ENTPD7: variants seen among roughly 807,000 people sequenced by gnomAD.
ENTPD7 encodes the protein NTPDase 7.
A neutral mutation model predicts 77.9 loss-of-function variants in ENTPD7; 53 were observed. The ratio of observed to expected loss-of-function variants is 0.68; its 90% CI spans 0.55 to 0.85. ENTPD7 has a LOEUF of 0.85. Ranked by LOEUF, ENTPD7 falls within the 40% of genes least tolerant of loss-of-function variation. ENTPD7 has a pLI of 0.00. For synonymous variants in ENTPD7, 248 were observed against 274.9 expected (o/e 0.90, Z 0.97); for missense variants, 636 against 743.7 (o/e 0.86, Z 1.68).
intron 9 of ENTPD7, 87 bp downstream of exon 9, chr10:99,696,209 A>ATC: frequency 6.8e-7 from 1 of 1,476,988 alleles, no homozygotes; most frequent in Admixed American, 2.0e-5. Context: ...CCTAAGACAG[A>ATC]TAAGTCCCTG....
chr10:99,668,968 A>G (rs577879077), intron 3 of ENTPD7, among the ~76,000 whole-genome samples: 1 of 152,120 alleles, frequency 6.6e-6, no homozygotes, highest in African/African-American at 2.4e-5. Flanking sequence ...TCATGGGAGC[A>G]AGTTTGCAAA....
At chr10:99,664,862 G>T (rs1221116418) in intron 3 of ENTPD7, among the ~76,000 whole-genome samples, 3 of 152,114 alleles carry the variant, frequency 2.0e-5, no homozygotes, top group Non-Finnish European at 4.4e-5. Flanking sequence ...GGAAGTCCAG[G>T]GGTAGAAGGA....
At chr10:99,698,069 T>C (rs2133500568) in intron 9 of ENTPD7, 2 of 194,736 alleles carry the variant, frequency 1.0e-5, no homozygotes, top group African/African-American at 4.7e-5. Context: ...GAGGCAGGCA[T>C]GGGCTCCATC....
chr10:99,673,834 T>G (rs967923765), intron 3 of ENTPD7, among the ~76,000 whole-genome samples: 3 of 152,178 alleles, frequency 2.0e-5, no homozygotes, highest in African/African-American at 7.2e-5. Flanking sequence ...TTTTGTGAGC[T>G]CTAGGACCAA....
intron 3 of ENTPD7, among the ~76,000 whole-genome samples, chr10:99,664,995 A>T (rs1248150256): frequency 1.3e-5 from 2 of 151,982 alleles, no homozygotes; most frequent in Non-Finnish European, 2.9e-5. Context: ...TCACGCCTGT[A>T]ATCTCAGCAC....
intron 3 of ENTPD7, among the ~76,000 whole-genome samples, chr10:99,662,297 C>T (rs1192032090): frequency 1.3e-5 from 2 of 151,928 alleles, no homozygotes; most frequent in African/African-American, 4.8e-5. Flanking sequence ...TTTATGTTTC[C>T]ATTTTATCTC....
chr10:99,704,053 G>C (rs547511996), intron 12 of ENTPD7, among the ~76,000 whole-genome samples: 1 of 152,270 alleles, frequency 6.6e-6, no homozygotes, highest in South Asian at 2.1e-4. Context: ...AAAGGATTTA[G>C]ACACACACAC....
rs2035450070 is a variant in ENTPD7 at position 99,659,611 on chromosome 10, T to C, written c.-96+23T>C. 1 of 213,050 alleles carries C rather than the reference T, an allele frequency of 4.7e-6. No homozygotes were observed. The highest frequency in any genetic ancestry group is 2.3e-5 in the African/African-American group (1 of 43,430). The allele number at this position is 213,050 out of a possible 1,614,324, so 13.2% of individuals were successfully genotyped here. A position where few individuals can be genotyped will look rare whatever the true frequency, so the allele number is the denominator to read the frequency against. ...CCCGTGAGTGTGGGCGCGAGAGGGC[T>C]GTGGGACCCGGAGGGACGGGGAGAG... On this transcript the variant is annotated intron_variant, in intron 1 of 12. Transcript: ENST00000370489. This position sits in a 1 kb window ranked among gnomAD's most constrained non-coding sequence, Gnocchi z 4.1.
chr10:99,701,490 T>C (rs1282710810), intron 11 of ENTPD7, among the ~76,000 whole-genome samples: 1 of 151,770 alleles, frequency 6.6e-6, no homozygotes, highest in Non-Finnish European at 1.5e-5. Flanking sequence ...GGTTTCGCAA[T>C]GTTGCCAGGC....
At position 99,709,599 on chromosome 10, in the gene ENTPD7, T is replaced by C; in HGVS notation, c.*4916T>C. On this transcript the variant is annotated 3_prime_UTR_variant, in exon 13 of 13. Transcript: ENST00000370489. ...TGAATATACCTCAAATTGAAAACTTTTAGGTTGTGTTCTTGGCTCATTCTC... is the reference window on the plus strand; with the variant it reads ...TGAATATACCTCAAATTGAAAACTTCTAGGTTGTGTTCTTGGCTCATTCTC... The C allele has an allele frequency of 1.0e-6, 1 of 985,394 alleles. No individual in the cohort carries two copies. The highest frequency in any genetic ancestry group is 1.2e-6 in the Non-Finnish European group (1 of 829,882). 61.0% of individuals were successfully genotyped at this position (985,394 alleles called of 1,614,324 possible).
intron 5 of ENTPD7, among the ~76,000 whole-genome samples, chr10:99,684,507 T>TGTA (rs1221964224): frequency 6.6e-6 from 1 of 152,216 alleles, no homozygotes; most frequent in African/African-American, 2.4e-5. Flanking sequence ...GAAATTCTTA[T>TGTA]TGCAAGAATT....
intron 3 of ENTPD7, among the ~76,000 whole-genome samples, chr10:99,670,040 C>T (rs1047779094): frequency 5.3e-5 from 8 of 152,078 alleles, no homozygotes; most frequent in African/African-American, 1.4e-4. Flanking sequence ...TGAGTCACTG[C>T]GCCCGGCCGA....
At chr10:99,663,434 C>T (rs1227728026) in intron 3 of ENTPD7, among the ~76,000 whole-genome samples, 2 of 146,636 alleles carry the variant, frequency 1.4e-5, no homozygotes, top group East Asian at 2.0e-4. Context: ...TTGTGATGTG[C>T]TTTGATGTTG....
Position 99,706,399 on chromosome 10 carries a change from C to T in ENTPD7, c.*1716C>T, listed in dbSNP as rs1440439709. 1.3e-5 allele frequency among the ~76,000 whole-genome samples: 2 copies of T among 151,646 alleles called. No homozygotes were observed. Among genetic ancestry groups the T allele is most frequent in the Non-Finnish European group, 2.9e-5 (2 of 67,956 alleles). Reference sequence around the variant, plus strand: ...CCCAGGCTGGAGTGCAGTTGTGCAACATCATGGCTCACCGCAGCCTCAACC... The same window carrying T: ...CCCAGGCTGGAGTGCAGTTGTGCAATATCATGGCTCACCGCAGCCTCAACC... On this transcript the variant is annotated 3_prime_UTR_variant, in exon 13 of 13. Coordinates refer to ENST00000370489, the MANE Select transcript of ENTPD7 (RefSeq NM_020354.5).
At position 99,709,164 on chromosome 10, in the gene ENTPD7, G is replaced by C; in HGVS notation, c.*4481G>C. 1.0e-6 allele frequency: 1 copy of C among 985,152 alleles called. No homozygotes were observed. Among genetic ancestry groups the C allele is most frequent in the Non-Finnish European group, 1.2e-6 (1 of 829,688 alleles). The allele number at this position is 985,152 out of a possible 1,614,324, so 61.0% of individuals were successfully genotyped here. ...TTAGATGACTACAGCCTAGATGAAG[G>C]TATAAATGCCTATTACATCTACCTC... On this transcript the variant is annotated 3_prime_UTR_variant, in exon 13 of 13. Coordinates refer to ENST00000370489, the MANE Select transcript of ENTPD7 (RefSeq NM_020354.5).
intron 3 of ENTPD7, among the ~76,000 whole-genome samples, chr10:99,675,423 TGAAATCATGC>T (rs1184851023): frequency 2.0e-5 from 3 of 152,038 alleles, no homozygotes; most frequent in African/African-American, 7.3e-5. Flanking sequence ...GATGATGTTA[TGAAATCATGC>T]TTGGATAACA....
intron 12 of ENTPD7, 45 bp from the exon 13 acceptor site, chr10:99,704,407 A>G: frequency 6.3e-7 from 1 of 1,596,478 alleles, no homozygotes; most frequent in Non-Finnish European, 8.6e-7. Context: ...CTCCCTTTGA[A>G]ACTTAACAGT....
intron 8 of ENTPD7, among the ~76,000 whole-genome samples, chr10:99,694,605 C>T (rs186823941): frequency 1.2e-4 from 17 of 147,118 alleles, no homozygotes; most frequent in Non-Finnish European, 2.1e-4. Flanking sequence ...GGCACGATCT[C>T]GGCTCACTGC....
chr10:99,666,581 G>C (rs2035553671), intron 3 of ENTPD7, among the ~76,000 whole-genome samples: 1 of 152,226 alleles, frequency 6.6e-6, no homozygotes, highest in African/African-American at 2.4e-5. Context: ...GAAAAAGAAA[G>C]CAGGAAGAGT....
Sources: allele counts gnomAD v4.1 joint callset (sites outside exome capture counted in the v4.1 genomes callset), GRCh38; gene constraint gnomAD v4.1.1; non-coding constraint Gnocchi (gnomAD v3.1); transcripts MANE v1.5; gene names NCBI Gene and HGNC (gene_info 2026-07-23, HGNC 2026-07-21).